SAXO1: variants seen among roughly 807,000 people sequenced by gnomAD.
The protein encoded by SAXO1 is 4930500O09Rik.
In SAXO1, 21 loss-of-function variants were observed where a neutral mutation model predicts 17.5. The ratio of observed to expected loss-of-function variants is 1.20; its 90% CI spans 0.85 to 1.72. SAXO1 has a LOEUF of 1.72. Among genes scored for constraint, SAXO1 ranks in the 40% most tolerant of loss-of-function variants. The pLI is 0.00. For missense variants in SAXO1, 843 were observed against 596.0 expected (o/e 1.41, Z -4.32); for synonymous variants, 274 against 216.5 (o/e 1.27, Z -2.33).
intron 1 of SAXO1, among the ~76,000 whole-genome samples, chr9:19,014,067 C>T (rs1033926575): frequency 6.6e-6 from 1 of 152,030 alleles, no homozygotes; most frequent in Non-Finnish European, 1.5e-5. Flanking sequence ...GAGCCTGGAA[C>T]ACAGGCAGCA....
chr9:18,955,863 T>C (rs2039010), intron 1 of SAXO1, among the ~76,000 whole-genome samples: 122,564 of 151,956 alleles, frequency 0.81, 49,665 homozygotes, highest in African/African-American at 0.87. Context: ...ATGACTCTTC[T>C]GCTCAGAGTG....
chr9:19,017,087 T>C (rs1477128339), intron 1 of SAXO1, among the ~76,000 whole-genome samples: 5 of 152,064 alleles, frequency 3.3e-5, no homozygotes, highest in South Asian at 2.1e-4. Flanking sequence ...GGTGGGCAGA[T>C]TGCTTGAGCC....
chr9:18,928,424 G>A lies in SAXO1; in HGVS notation c.1053C>T (p.Arg351=), dbSNP rs113674764. Residue 351 remains arginine (R), a synonymous_variant, in exon 4 of 4, where the codon CGC becomes CGT. Coordinates refer to ENST00000380534, the MANE Select transcript of SAXO1 (RefSeq NM_153707.4). ...GGGGAACGGGCTTGACTGGCTCTGT[G>A]CGCATGCTGGACCACTGCTTGTAGT... The part of the protein sequence containing the change: ...KDDYKQWSSM[R]TEPVKPVPQL... 7,092 of 1,608,950 alleles carry A rather than the reference G, an allele frequency of 4.4e-3. 213 individuals carry two copies. In the African/African-American group the frequency reaches 0.071, roughly 16 times the overall value.
At chr9:18,931,567 G>A (rs892239955) in intron 3 of SAXO1, among the ~76,000 whole-genome samples, 1 of 152,216 alleles carries the variant, frequency 6.6e-6, no homozygotes, top group South Asian at 2.1e-4. Flanking sequence ...TCTATCTTTA[G>A]CTTTTTAAAA....
At chr9:19,002,202 G>A (rs552819307) in intron 1 of SAXO1, among the ~76,000 whole-genome samples, 54 of 152,296 alleles carry the variant, frequency 3.5e-4, no homozygotes, top group African/African-American at 1.3e-3. Flanking sequence ...CCAGGAAGAA[G>A]TTGAATCTCT....
At chr9:18,992,325 G>C (rs1257572091) in intron 1 of SAXO1, among the ~76,000 whole-genome samples, 2 of 152,180 alleles carry the variant, frequency 1.3e-5, no homozygotes, top group Non-Finnish European at 2.9e-5. Context: ...AGAGGCTCAG[G>C]TGTTCCTTGG....
upstream of SAXO1, among the ~76,000 whole-genome samples, chr9:19,035,536 A>C (rs563055605): frequency 2.0e-5 from 3 of 152,226 alleles, no homozygotes; most frequent in Non-Finnish European, 4.4e-5. Context: ...TTACCCAAAA[A>C]TGAGGAAGCA....
In SAXO1 at chr9:19,006,206, G is replaced by A. The variant is rs576430321; in HGVS notation, c.38+26665C>T. Among the ~76,000 whole-genome samples, 460 of 152,334 alleles carry A rather than the reference G, an allele frequency of 3.0e-3. 8 individuals are homozygous for A. In the South Asian group the frequency reaches 0.044, roughly 15 times the overall value. On this transcript the variant is annotated intron_variant, in intron 1 of 3. Transcript: ENST00000380534. Reference sequence around the variant, plus strand: ...GATGGCGTAGTCTCTGTGCAAAACAGTATGATGGTTTCTCAAAAAGTTAAA... The same window carrying A: ...GATGGCGTAGTCTCTGTGCAAAACAATATGATGGTTTCTCAAAAAGTTAAA...
chr9:18,990,948 A>G lies in SAXO1; in HGVS notation c.39-40011T>C, dbSNP rs935327485. Reference sequence around the variant, plus strand: ...TTGTATAATTATTATATATTACAATATAATAATGATAGAACTAAAGTGCAC... The same window carrying G: ...TTGTATAATTATTATATATTACAATGTAATAATGATAGAACTAAAGTGCAC... On this transcript the variant is annotated intron_variant, in intron 1 of 3. Transcript: ENST00000380534. 3.9e-5 allele frequency among the ~76,000 whole-genome samples: 6 copies of G among 152,218 alleles called. No individual in the cohort carries two copies. The East Asian group carries it at 1.2e-3, about 29-fold the overall frequency.
chr9:19,035,798 T>G (rs1488523952), upstream of SAXO1, among the ~76,000 whole-genome samples: 1 of 152,174 alleles, frequency 6.6e-6, no homozygotes, highest in Non-Finnish European at 1.5e-5. Flanking sequence ...TGCCCTGTCC[T>G]AGAGATCTAT....
chr9:19,022,300 C>G (rs978183805), intron 1 of SAXO1, among the ~76,000 whole-genome samples: 6 of 152,224 alleles, frequency 3.9e-5, no homozygotes, highest in Non-Finnish European at 7.3e-5. Flanking sequence ...AAACTCTGGA[C>G]ACACCATCTG....
At chr9:18,984,646 T>G (rs1833525126) in intron 1 of SAXO1, among the ~76,000 whole-genome samples, 1 of 152,246 alleles carries the variant, frequency 6.6e-6, no homozygotes, top group South Asian at 2.1e-4. Context: ...TTCACAGAAC[T>G]GAAAAGAGTT....
intron 3 of SAXO1, among the ~76,000 whole-genome samples, chr9:18,936,062 G>T (rs1409165474): frequency 6.6e-6 from 1 of 152,162 alleles, no homozygotes; most frequent in African/African-American, 2.4e-5. Context: ...CCAGAGTCTA[G>T]AAATGGTTGA....
chr9:18,939,663 G>T (rs117862610), intron 3 of SAXO1, among the ~76,000 whole-genome samples: 1 of 152,312 alleles, frequency 6.6e-6, no homozygotes, highest in East Asian at 1.9e-4. Context: ...AAGGCCCTGA[G>T]GCTGGAGCAG....
chr9:19,029,633 G>A (rs1295965989), intron 1 of SAXO1, among the ~76,000 whole-genome samples: 2 of 152,184 alleles, frequency 1.3e-5, no homozygotes, highest in African/African-American at 4.8e-5. Context: ...TGAGACTCAA[G>A]ATCAGTGTTG....
intron 1 of SAXO1, among the ~76,000 whole-genome samples, chr9:18,976,374 A>T (rs1342305053): frequency 6.6e-6 from 1 of 152,198 alleles, no homozygotes; most frequent in African/African-American, 2.4e-5. Flanking sequence ...CTCTTGCTAC[A>T]AGCACAAACA....
intron 1 of SAXO1, among the ~76,000 whole-genome samples, chr9:18,960,403 G>A (rs1832436234): frequency 6.6e-6 from 1 of 152,076 alleles, no homozygotes. Flanking sequence ...ACTCTGCCTG[G>A]AAGCCTATTC....
At chr9:19,046,704 GAA>G (rs534019035) in intron 1 of SAXO1, among the ~76,000 whole-genome samples, 1 of 132,468 alleles carries the variant, frequency 7.5e-6, no homozygotes. Context: ...CTTCGTCTCA[GAA>G]AAAAAAAAAA....
intron 1 of SAXO1, among the ~76,000 whole-genome samples, chr9:18,994,154 C>A (rs967379517): frequency 6.6e-6 from 1 of 152,166 alleles, no homozygotes; most frequent in African/African-American, 2.4e-5. Context: ...AAAATTCAGA[C>A]AGGTGTCAAG....
Sources: allele counts gnomAD v4.1 joint callset (sites outside exome capture counted in the v4.1 genomes callset), GRCh38; gene constraint gnomAD v4.1.1; transcripts MANE v1.5; gene names NCBI Gene and HGNC (gene_info 2026-07-23, HGNC 2026-07-21).